The following MEI4 variants were observed in gnomAD, a reference collection of about 807,000 sequenced individuals.
MEI4 encodes meiotic double-stranded break formation protein 4, also known as meiosis-specific protein MEI4.
Under a neutral mutation model 31.4 loss-of-function variants are expected in MEI4, and 27 were observed. The observed-to-expected ratio is 0.86, with a 90% CI of 0.63 to 1.19. The LOEUF (loss-of-function observed/expected upper bound fraction) is 1.19, where lower values mean the gene tolerates loss of function less well. MEI4 is among the 50% of genes most tolerant of loss of function. The pLI, the probability that MEI4 is intolerant of heterozygous loss-of-function variation, is 0.00. For missense variants in MEI4, 329 were observed against 398.9 expected (o/e 0.82, Z 1.49); for synonymous variants, 122 against 145.4 (o/e 0.84, Z 1.16).
chr6:77,918,211 A>G (rs983794312), intron 4 of MEI4, among the ~76,000 whole-genome samples: 1 of 152,006 alleles, frequency 6.6e-6, no homozygotes, highest in African/African-American at 2.4e-5. Flanking sequence ...TGATGGCTCC[A>G]GCTTTGTTCT....
chr6:77,784,073 T>C (rs755189747), intron 3 of MEI4, among the ~76,000 whole-genome samples: 1 of 152,138 alleles, frequency 6.6e-6, no homozygotes, highest in Non-Finnish European at 1.5e-5. Flanking sequence ...CAGTAATCTT[T>C]AGCCTATTTT....
chr6:77,746,386 A>G (rs1333357587), intron 2 of MEI4, among the ~76,000 whole-genome samples: 1 of 152,172 alleles, frequency 6.6e-6, no homozygotes, highest in Non-Finnish European at 1.5e-5. Context: ...CCCTGAGTTG[A>G]AACAAAAAAG....
chr6:77,779,586 GAC>G (rs1768541986), intron 3 of MEI4, among the ~76,000 whole-genome samples: 1 of 152,176 alleles, frequency 6.6e-6, no homozygotes, highest in African/African-American at 2.4e-5. Flanking sequence ...CTGAGCTTAA[GAC>G]ACACGTGCCT....
At chr6:77,848,048 G>A (rs1770528563) in intron 4 of MEI4, among the ~76,000 whole-genome samples, 1 of 152,118 alleles carries the variant, frequency 6.6e-6, no homozygotes, top group Non-Finnish European at 1.5e-5. Context: ...ACTAATTTGA[G>A]GTTCTCTATG....
intron 1 of MEI4, among the ~76,000 whole-genome samples, chr6:77,658,531 G>C (rs986348220): frequency 6.6e-5 from 10 of 152,162 alleles, no homozygotes; most frequent in African/African-American, 2.4e-4. Flanking sequence ...AAATTTTTTG[G>C]GGGGTGGTAT....
chr6:77,764,055 G>A (rs948853063), intron 3 of MEI4, among the ~76,000 whole-genome samples: 6 of 152,008 alleles, frequency 3.9e-5, no homozygotes, highest in African/African-American at 1.4e-4. Context: ...CTCGTGATCT[G>A]CCCACTTCGG....
chr6:77,880,943 A>C (rs1771475279), intron 4 of MEI4, among the ~76,000 whole-genome samples: 1 of 152,084 alleles, frequency 6.6e-6, no homozygotes. Flanking sequence ...ATATGGTTTT[A>C]AATTAAAATT....
chr6:77,749,467 A>T (rs1021565187), intron 2 of MEI4, among the ~76,000 whole-genome samples: 2 of 152,172 alleles, frequency 1.3e-5, no homozygotes, highest in Non-Finnish European at 2.9e-5. Flanking sequence ...AACTTCGTGA[A>T]GCCTACACAA....
intron 4 of MEI4, among the ~76,000 whole-genome samples, chr6:77,841,334 T>TATATATATATATATATA (rs1554168570): frequency 6.1e-5 from 2 of 32,736 alleles, no homozygotes; most frequent in African/African-American, 4.7e-4. Flanking sequence ...TATATATATA[T>TATATATATATATATATA]TTTTTTTTTT....
At chr6:77,777,971 A>T (rs922121567) in intron 3 of MEI4, among the ~76,000 whole-genome samples, 1 of 152,132 alleles carries the variant, frequency 6.6e-6, no homozygotes, top group African/African-American at 2.4e-5. Context: ...TATGCCGATG[A>T]ATAAAACAAG....
intron 3 of MEI4, among the ~76,000 whole-genome samples, chr6:77,780,185 G>A (rs1302000075): frequency 1.3e-5 from 2 of 152,132 alleles, no homozygotes; most frequent in African/African-American, 2.4e-5. Context: ...CATAGCTTCA[G>A]TAAAAGATTT....
chr6:77,673,980 G>A (rs1283276372), intron 1 of MEI4, among the ~76,000 whole-genome samples: 1 of 152,148 alleles, frequency 6.6e-6, no homozygotes, highest in Non-Finnish European at 1.5e-5. Context: ...CTAAAATGTG[G>A]AAGCATTTAA....
At chr6:77,662,228 A>G (rs1328579344) in intron 1 of MEI4, among the ~76,000 whole-genome samples, 2 of 152,168 alleles carry the variant, frequency 1.3e-5, no homozygotes, top group African/African-American at 2.4e-5. Flanking sequence ...AGCCTCAATG[A>G]TAGATGTGGA....
At chr6:77,904,397 A>T (rs1255848889) in intron 4 of MEI4, among the ~76,000 whole-genome samples, 1 of 151,888 alleles carries the variant, frequency 6.6e-6, no homozygotes, top group Non-Finnish European at 1.5e-5. Flanking sequence ...TGTACAGAAT[A>T]TTTTTTCACA....
chr6:77,846,083 C>T (rs576329801), intron 4 of MEI4, among the ~76,000 whole-genome samples: 9 of 151,442 alleles, frequency 5.9e-5, no homozygotes, highest in Admixed American at 2.0e-4. Context: ...TATAATAATT[C>T]TTGAGTTTAT....
intron 4 of MEI4, among the ~76,000 whole-genome samples, chr6:77,868,488 T>C (rs999606117): frequency 1.6e-5 from 2 of 128,876 alleles, no homozygotes; most frequent in Non-Finnish European, 3.2e-5. Flanking sequence ...AAAACTTCCA[T>C]GTAAAAAATA....
intron 2 of MEI4, among the ~76,000 whole-genome samples, chr6:77,728,059 G>T (rs1023847149): frequency 1.3e-5 from 2 of 152,192 alleles, no homozygotes; most frequent in African/African-American, 4.8e-5. Context: ...AAGGTGAAAG[G>T]TGAAAGAATT....
At chr6:77,705,636 G>A (rs1561952340) in intron 2 of MEI4, among the ~76,000 whole-genome samples, 2 of 152,134 alleles carry the variant, frequency 1.3e-5, no homozygotes. Flanking sequence ...GTAGAGGGAG[G>A]CCCAATGTGT....
At chr6:77,853,754 G>A (rs1193096234) in intron 4 of MEI4, among the ~76,000 whole-genome samples, 1 of 152,124 alleles carries the variant, frequency 6.6e-6, no homozygotes, top group African/African-American at 2.4e-5. Context: ...ACATAAATTA[G>A]GTTCTGTTAG....
Sources: gnomAD v4.1 joint callset for allele counts (sites outside exome capture counted in the v4.1 genomes callset) on GRCh38, gnomAD v4.1.1 for gene constraint, MANE v1.5 for transcripts, NCBI Gene and HGNC (gene_info 2026-07-23, HGNC 2026-07-21) for gene names.